BAG2: variants seen among roughly 807,000 people sequenced by gnomAD.
BAG2 encodes BAG family molecular chaperone regulator 2.
Under a neutral mutation model 16.4 loss-of-function variants are expected in BAG2, and 8 were observed. The observed-to-expected ratio is 0.49, with a 90% CI of 0.29 to 0.88. The LOEUF is 0.88. Ranked by LOEUF, BAG2 falls within the 40% of genes least tolerant of loss-of-function variation. BAG2 has a pLI of 0.09. For synonymous variants in BAG2, 82 were observed against 89.2 expected, an observed-to-expected ratio of 0.92 and a Z score of 0.46; for missense variants, 218 against 248.9, an observed-to-expected ratio of 0.88 and a Z score of 0.84.
chr6:57,183,382 T>C (rs191934765), intron 2 of BAG2, among the ~76,000 whole-genome samples: 6 of 152,296 alleles, frequency 3.9e-5, no homozygotes, highest in African/African-American at 1.4e-4. Flanking sequence ...ATTTGGGGCA[T>C]TGTATTCTGA....
At chr6:57,176,600 T>A (rs1274514725) in intron 1 of BAG2, among the ~76,000 whole-genome samples, 1 of 152,140 alleles carries the variant, frequency 6.6e-6, no homozygotes, top group East Asian at 1.9e-4. Flanking sequence ...TTCCCAAAAC[T>A]TATAACACAG....
Position 57,172,762 on chromosome 6 carries a change from C to A in BAG2, c.65C>A (p.Ala22Asp). The part of the protein sequence containing the change: ...EGRFCRSSSM[A>D]DRSSRLLESL... Reference sequence around the variant, plus strand: ...CGCTTCTGCCGCTCCTCCTCCATGGCTGACCGCTCCAGCCGCCTGCTGGAG... The same window carrying A: ...CGCTTCTGCCGCTCCTCCTCCATGGATGACCGCTCCAGCCGCCTGCTGGAG... The change falls in exon 1 of 3, where the codon GCT (alanine) becomes GAT (aspartate). Residue 22 changes from alanine (A) to aspartate (D), a missense_variant. Physicochemically the swap from Ala to Asp is moderately radical, Grantham distance 126. This residue lies in a region of BAG2 where 75 missense variants were observed against 63.1 expected (regional missense o/e 1.19). Coordinates refer to ENST00000370693, the MANE Select transcript of BAG2 (RefSeq NM_004282.4). 1 of 1,580,984 alleles carries A rather than the reference C, an allele frequency of 6.3e-7. No individual in the cohort carries two copies. Among genetic ancestry groups the A allele is most frequent in the South Asian group, 1.2e-5 (1 of 86,092 alleles).
chr6:57,173,086 G>C, intron 1 of BAG2: 1 of 970,118 alleles, frequency 1.0e-6, no homozygotes, highest in Non-Finnish European at 1.3e-6. Flanking sequence ...TTACCTAGGT[G>C]TTAGGGAGCG....
intron 1 of BAG2, among the ~76,000 whole-genome samples, chr6:57,176,532 G>A (rs1303835066): frequency 1.3e-5 from 2 of 152,138 alleles, no homozygotes; most frequent in African/African-American, 2.4e-5. Context: ...TGGGGGATGG[G>A]TTTTGGAGAC....
At chr6:57,174,122 T>C in intron 1 of BAG2, 1 of 912,054 alleles carries the variant, frequency 1.1e-6, no homozygotes, top group South Asian at 3.2e-5. Context: ...ACCGTTCCAC[T>C]CCCAGAAAAA....
At chr6:57,177,031 C>T (rs1020002192) in intron 1 of BAG2, among the ~76,000 whole-genome samples, 6 of 152,162 alleles carry the variant, frequency 3.9e-5, no homozygotes, top group African/African-American at 1.4e-4. Flanking sequence ...ATTAGGAAAA[C>T]ACTTCAGAAT....
At position 57,186,513 on chromosome 6, in the gene BAG2, TC is replaced by T. The variant is rs1272369011; in HGVS notation, c.*2324del. 1 of 152,284 alleles carries T rather than the reference TC, an allele frequency of 6.6e-6. No individual in the cohort carries two copies. Among genetic ancestry groups the T allele is most frequent in the Non-Finnish European group, 1.5e-5 (1 of 68,122 alleles). 9.4% of individuals were successfully genotyped at this position (152,284 alleles called of 1,614,324 possible). On this transcript the variant is annotated 3_prime_UTR_variant, in exon 3 of 3. Coordinates refer to ENST00000370693, the MANE Select transcript of BAG2 (RefSeq NM_004282.4). ...TTGTATTTTTAGTAGACATGGGGTT[TC>T]ACCATATTGGCCAGGCTGGTCTCAA... is the stretch of plus-strand genomic sequence containing the variant.
rs749850943 is a variant in BAG2 at position 57,182,146 on chromosome 6, G to A, written c.223+5G>A. The A allele has an allele frequency of 3.7e-6, 6 of 1,612,220 alleles. No homozygotes were observed. Among genetic ancestry groups the A allele is most frequent in the African/African-American group, 1.3e-5 (1 of 75,008 alleles). ...ACATGAGGCAGATCAGTGACGGTGA[G>A]AGCCATCTCCACAGAAGGGGCTCAT... On this transcript the variant is annotated splice_donor_5th_base_variant and intron_variant, in intron 2 of 2. Coordinates refer to ENST00000370693, the MANE Select transcript of BAG2 (RefSeq NM_004282.4).
rs2127993993 is a variant in BAG2, at chr6:57,185,496, C to G, written c.*1306C>G. 1 of 152,320 alleles carries G rather than the reference C, an allele frequency of 6.6e-6. No individual in the cohort carries two copies. The highest frequency in any genetic ancestry group is 1.9e-4 in the East Asian group (1 of 5,188). 9.4% of individuals were successfully genotyped at this position (152,320 alleles called of 1,614,324 possible). On this transcript the variant is annotated 3_prime_UTR_variant, in exon 3 of 3. Transcript: ENST00000370693. The stretch of plus-strand genomic sequence containing the variant: ...TTATGTATGTATATATCTCTCAATG[C>G]AAGCAATATCAAACTTCATTTTCTC...
intron 1 of BAG2, chr6:57,173,413 T>G (rs1290360503): frequency 1.0e-6 from 1 of 985,214 alleles, no homozygotes; most frequent in East Asian, 1.1e-4. Flanking sequence ...CCGCTTCTGT[T>G]TCTCCCCTAA....
rs1479229861 is a variant in BAG2 at position 57,189,368 on chromosome 6, C to CTAAT, written c.*5179_*5182dup. The CTAAT allele has an allele frequency of 6.6e-6, 1 of 152,104 alleles. No homozygotes were observed. 9.4% of individuals were successfully genotyped at this position (152,104 alleles called of 1,614,324 possible). On this transcript the variant is annotated 3_prime_UTR_variant, in exon 3 of 3. Transcript: ENST00000370693. Reference sequence around the variant, plus strand: ...ATAAAATATGTAATTTTAGTTAAGACTAATAATAATATTTTTGTGCACTTT... The same window carrying CTAAT: ...ATAAAATATGTAATTTTAGTTAAGACTAATTAATAATAATATTTTTGTGCACTTT...
chr6:57,187,836 C>T lies in BAG2; in HGVS notation c.*3646C>T, dbSNP rs974963913. 11 of 151,974 alleles carry T rather than the reference C, an allele frequency of 7.2e-5. No homozygotes were observed. The highest frequency in any genetic ancestry group is 2.7e-4 in the African/African-American group (11 of 41,372). The allele number at this position is 151,974 out of a possible 1,614,324, so 9.4% of individuals were successfully genotyped here. ...TCCATAATGAGGAAAAAGTTTTCAT[C>T]CTCTTTTTGGTAGTTTTAGCTTTAT... is the stretch of plus-strand genomic sequence containing the variant. On this transcript the variant is annotated 3_prime_UTR_variant, in exon 3 of 3. Transcript: ENST00000370693.
At chr6:57,179,431 T>C (rs1197550981) in intron 1 of BAG2, among the ~76,000 whole-genome samples, 2 of 152,212 alleles carry the variant, frequency 1.3e-5, no homozygotes, top group Non-Finnish European at 2.9e-5. Context: ...AGTACTATTT[T>C]GGGGTATAAC....
In BAG2 at chr6:57,185,117, G is replaced by A. The variant is rs1764585848; in HGVS notation, c.*927G>A. On this transcript the variant is annotated 3_prime_UTR_variant, in exon 3 of 3. Transcript: ENST00000370693. Reference sequence around the variant, plus strand: ...GAATTATATTGGGTCAAAGGATATAGACGTTTTCATGGCCTCACACATATT... The same window carrying A: ...GAATTATATTGGGTCAAAGGATATAAACGTTTTCATGGCCTCACACATATT... 6.6e-6 allele frequency: 1 copy of A among 152,130 alleles called. No individual in the cohort carries two copies. The highest frequency in any genetic ancestry group is 1.5e-5 in the Non-Finnish European group (1 of 68,020). The allele number at this position is 152,130 out of a possible 1,614,324, so 9.4% of individuals were successfully genotyped here.
In BAG2 at chr6:57,189,753, A is replaced by C. The variant is rs1424814029; in HGVS notation, c.*5563A>C. ...AATTAGGTATGATATTTTTGGCACA[A>C]AGCACTTTTTAAACCCAAGCTCATT... On this transcript the variant is annotated 3_prime_UTR_variant, in exon 3 of 3. Coordinates refer to ENST00000370693, the MANE Select transcript of BAG2 (RefSeq NM_004282.4). The C allele has an allele frequency of 1.3e-5, 2 of 152,678 alleles. No individual in the cohort carries two copies. Among genetic ancestry groups the C allele is most frequent in the Non-Finnish European group, 1.5e-5 (1 of 68,048 alleles). The allele number at this position is 152,678 out of a possible 1,614,324, so 9.5% of individuals were successfully genotyped here.
At chr6:57,180,999 AATT>A (rs1350774281) in intron 1 of BAG2, among the ~76,000 whole-genome samples, 8 of 152,344 alleles carry the variant, frequency 5.3e-5, no homozygotes, top group African/African-American at 1.7e-4. Context: ...AGATGTCTGA[AATT>A]ATTAGGAAAA....
Position 57,172,553 on chromosome 6 carries a change from G to T in BAG2, c.-145G>T, listed in dbSNP as rs1358130307. 1 of 595,774 alleles carries T rather than the reference G, an allele frequency of 1.7e-6. No individual in the cohort carries two copies. The highest frequency in any genetic ancestry group is 2.7e-6 in the Non-Finnish European group (1 of 373,666). The allele number at this position is 595,774 out of a possible 1,614,324, so 36.9% of individuals were successfully genotyped here. A position where few individuals can be genotyped will look rare whatever the true frequency, so the allele number is the denominator to read the frequency against. ...GCTACGCTGCAGCCGCGGTGTCGGC[G>T]AGTCCTCCCGGGTTGCCCCCGCGGG... is the stretch of plus-strand genomic sequence containing the variant. On this transcript the variant is annotated 5_prime_UTR_variant, in exon 1 of 3. Transcript: ENST00000370693.
In BAG2 at chr6:57,188,950, A is replaced by ACAT. The variant is rs1741005778; in HGVS notation, c.*4761_*4763dup. 6.6e-6 allele frequency: 1 copy of ACAT among 152,184 alleles called. No homozygotes were observed. The highest frequency in any genetic ancestry group is 1.5e-5 in the Non-Finnish European group (1 of 68,010). The allele number at this position is 152,184 out of a possible 1,614,324, so 9.4% of individuals were successfully genotyped here. A position where few individuals can be genotyped will look rare whatever the true frequency, so the allele number is the denominator to read the frequency against. On this transcript the variant is annotated 3_prime_UTR_variant, in exon 3 of 3. Coordinates refer to ENST00000370693, the MANE Select transcript of BAG2 (RefSeq NM_004282.4). ...ATAAAACACAAAAGGAGTACATAAA[A>ACAT]CATTGTTTAGTACAAATAATGAAAA...
intron 1 of BAG2, among the ~76,000 whole-genome samples, chr6:57,180,150 G>T (rs1764393716): frequency 6.6e-6 from 1 of 152,014 alleles, no homozygotes; most frequent in South Asian, 2.1e-4. Flanking sequence ...AAATCAAGTA[G>T]AAAATACAAA....
Sources: gnomAD v4.1 joint callset for allele counts (sites outside exome capture counted in the v4.1 genomes callset) on GRCh38, gnomAD v4.1.1 for gene constraint, gnomAD v4.1.1 regional missense constraint, MANE v1.5 for transcripts, NCBI Gene and HGNC (gene_info 2026-07-23, HGNC 2026-07-21) for gene names.